Variants in TSG101 observed in about 807,000 individuals in gnomAD.
The protein encoded by TSG101 is tumor susceptibility gene 101 protein.
TSG101 carries 19 observed loss-of-function variants against 48.5 expected under a neutral mutation model. The observed-to-expected ratio is 0.39, with a 90% CI of 0.27 to 0.58. TSG101 has a LOEUF of 0.58. Among genes scored for constraint, TSG101 ranks in the 20% least tolerant of loss-of-function variants. TSG101 has a pLI of 0.55. For synonymous variants in TSG101, 174 were observed against 169.4 expected, an observed-to-expected ratio of 1.03 and a Z score of -0.21; for missense variants, 365 against 484.4, an observed-to-expected ratio of 0.75 and a Z score of 2.31.
chr11:18,521,359 C>CTTTTTTTTTTTTTT (rs917563952), intron 1 of TSG101, among the ~76,000 whole-genome samples: 1 of 99,794 alleles, frequency 1.0e-5, no homozygotes, highest in Non-Finnish European at 2.0e-5. Context: ...AAACTGATTC[C>CTTTTTTTTTTTTTT]TTTTTTTTTT....
At chr11:18,524,854 G>A (rs1797226660) in intron 1 of TSG101, among the ~76,000 whole-genome samples, 1 of 151,702 alleles carries the variant, frequency 6.6e-6, no homozygotes, top group South Asian at 2.1e-4. Context: ...TAAAAAATAA[G>A]CTAATATTTG....
Position 18,481,691 on chromosome 11 carries a change from G to A in TSG101, c.1022C>T (p.Thr341Ile). 6.2e-7 allele frequency: 1 copy of A among 1,614,166 alleles called. No homozygotes were observed. Among genetic ancestry groups the A allele is most frequent in the Non-Finnish European group, 8.5e-7 (1 of 1,180,020 alleles). The change falls in exon 9 of 10, where the codon ACT (threonine) becomes ATT (isoleucine). Residue 341 changes from threonine to isoleucine, a missense_variant. Physicochemically the swap from Thr to Ile is moderately conservative, Grantham distance 89. Coordinates refer to ENST00000251968, the MANE Select transcript of TSG101 (RefSeq NM_006292.4). ...LYAEENAIED[T>I]IFYLGEALRR... ...CAAGGCTTCTCCCAAGTAAAAGATA[G>A]TGTCTTCAATAGCGTTTTCTTCTGC...
intron 4 of TSG101, among the ~76,000 whole-genome samples, chr11:18,512,723 ATTTT>A (rs776263228): frequency 4.2e-5 from 5 of 120,350 alleles, no homozygotes; most frequent in South Asian, 3.0e-4. Context: ...GGACAGACAG[ATTTT>A]TTTTTTTTTT....
At chr11:18,520,318 G>A (rs938469839) in intron 1 of TSG101, among the ~76,000 whole-genome samples, 2 of 152,124 alleles carry the variant, frequency 1.3e-5, no homozygotes, top group African/African-American at 2.4e-5. Flanking sequence ...CGAACTCCTG[G>A]GCTCAAGTGA....
In TSG101 at chr11:18,509,569, G is replaced by T; in HGVS notation, c.454C>A (p.Pro152Thr). The T allele has an allele frequency of 2.5e-6, 4 of 1,613,774 alleles. No homozygotes were observed. The highest frequency in any genetic ancestry group is 3.4e-6 in the Non-Finnish European group (4 of 1,179,772). The change falls in exon 5 of 10, where the codon CCA (proline) becomes ACA (threonine). Residue 152 changes from proline (P) to threonine (T), a missense_variant. Transcript: ENST00000251968. ...TTTGGTGGCCCCGTTGCCTGGTATGGCGGATAGGATGCCGAAATAGGACGA... is the reference window on the plus strand; with the variant it reads ...TTTGGTGGCCCCGTTGCCTGGTATGTCGGATAGGATGCCGAAATAGGACGA... ...FSRPISASYP[P>T]YQATGPPNTS... is the part of the protein sequence containing the mutation.
intron 7 of TSG101, among the ~76,000 whole-genome samples, chr11:18,492,256 G>A (rs980223080): frequency 3.3e-5 from 5 of 152,140 alleles, no homozygotes; most frequent in Non-Finnish European, 7.3e-5. Context: ...CATAGATTAC[G>A]TACCTAAATG....
At chr11:18,487,274 AG>A (rs1849633506) in intron 7 of TSG101, among the ~76,000 whole-genome samples, 1 of 150,428 alleles carries the variant, frequency 6.6e-6, no homozygotes, top group Non-Finnish European at 1.5e-5. Flanking sequence ...AAAAAAAAAA[AG>A]AAAAAAAAAT....
chr11:18,523,294 C>A (rs1375994693), intron 1 of TSG101, among the ~76,000 whole-genome samples: 1 of 152,150 alleles, frequency 6.6e-6, no homozygotes, highest in African/African-American at 2.4e-5. Context: ...CATTTCCACA[C>A]CCTAGCATTC....
intron 9 of TSG101, 146 bp from the exon 10 acceptor site, chr11:18,480,781 C>G (rs1379615415): frequency 1.6e-6 from 1 of 643,086 alleles, no homozygotes; most frequent in Non-Finnish European, 2.7e-6. Context: ...TTATATGTGG[C>G]TTTTAAGCTG....
At position 18,493,074 on chromosome 11, in the gene TSG101, C is replaced by T. The variant is rs79344880; in HGVS notation, c.641-9002G>A. Reference sequence around the variant, plus strand: ...GGCAAACTGCCATACCCCAAGTCCCCAACACACTGACCTTTTTACTCAAGC... The same window carrying T: ...GGCAAACTGCCATACCCCAAGTCCCTAACACACTGACCTTTTTACTCAAGC... On this transcript the variant is annotated intron_variant, in intron 7 of 9. Transcript: ENST00000251968. Among the ~76,000 whole-genome samples the T allele has an allele frequency of 2.3e-3, 350 of 152,218 alleles. 2 individuals carry two copies. The highest frequency in any genetic ancestry group is 8.2e-3 in the African/African-American group (342 of 41,520).
In TSG101 at chr11:18,480,623, G is replaced by C. The variant is rs1849515717; in HGVS notation, c.1096C>G (p.Leu366Val). The C allele has an allele frequency of 3.7e-6, 6 of 1,613,706 alleles. No homozygotes were observed. The highest frequency in any genetic ancestry group is 5.1e-6 in the Non-Finnish European group (6 of 1,179,880). Residue 366 changes from leucine (L) to valine (V), a missense_variant, in exon 10 of 10, where the codon CTG (leucine) becomes GTG (valine). By Grantham distance (32) the Leu-to-Val change is conservative (BLOSUM62 1). Coordinates refer to ENST00000251968, the MANE Select transcript of TSG101 (RefSeq NM_006292.4). ...CTCAGCTGGAACTGTTTACGGGACA[G>C]AAGACGTACATGCTGGGAGGGGAGA... ...LDVFLKHVRLLSRKQFQLRAL... is the reference protein window; with the variant it reads ...LDVFLKHVRLVSRKQFQLRAL...
chr11:18,506,755 G>C, intron 6 of TSG101, 102 bp downstream of exon 6: 2 of 850,854 alleles, frequency 2.4e-6, no homozygotes, highest in Non-Finnish European at 3.5e-6. Flanking sequence ...CCACTAAATT[G>C]CAATTAAATT....
chr11:18,513,839 C>T (rs758892704), intron 4 of TSG101, among the ~76,000 whole-genome samples: 45 of 152,100 alleles, frequency 3.0e-4, no homozygotes, highest in Non-Finnish European at 5.9e-4. Context: ...CTTTAGAAGG[C>T]CGAGATGGGT....
intron 8 of TSG101, among the ~76,000 whole-genome samples, chr11:18,483,027 C>CGT (rs61603313): frequency 0.052 from 7,869 of 150,942 alleles, 338 homozygotes; most frequent in East Asian, 0.21. Flanking sequence ...GACCTGTGTG[C>CGT]GTGTGTGTGT....
intron 7 of TSG101, chr11:18,490,589 C>T (rs959824892): frequency 4.2e-6 from 2 of 472,392 alleles, no homozygotes; most frequent in African/African-American, 2.0e-5. Flanking sequence ...CAGAAAAATA[C>T]CTAAAATAAT....
intron 6 of TSG101, among the ~76,000 whole-genome samples, chr11:18,503,105 C>T (rs549906613): frequency 5.3e-5 from 8 of 152,224 alleles, no homozygotes; most frequent in South Asian, 2.1e-4. Context: ...TTCATGTATT[C>T]GTATCAAAGT....
chr11:18,522,464 C>A (rs1000914926), intron 1 of TSG101, among the ~76,000 whole-genome samples: 1 of 152,204 alleles, frequency 6.6e-6, no homozygotes, highest in Non-Finnish European at 1.5e-5. Flanking sequence ...TCAAAATATC[C>A]TGTTAGCTTT....
At chr11:18,514,883 T>G in intron 3 of TSG101, 42 bp from the exon 4 acceptor site, 1 of 1,491,714 alleles carries the variant, frequency 6.7e-7, no homozygotes, top group Non-Finnish European at 8.9e-7. Flanking sequence ...ATTTTTATTA[T>G]TTTTAAATTG....
At chr11:18,485,540 G>T (rs531135598) in intron 7 of TSG101, among the ~76,000 whole-genome samples, 8 of 152,126 alleles carry the variant, frequency 5.3e-5, no homozygotes, top group Non-Finnish European at 1.2e-4. Flanking sequence ...TCCTTAGAAT[G>T]TGCTTTTTTG....
Sources: allele counts gnomAD v4.1 joint callset (sites outside exome capture counted in the v4.1 genomes callset), GRCh38; gene constraint gnomAD v4.1.1; transcripts MANE v1.5; gene names NCBI Gene and HGNC (gene_info 2026-07-23, HGNC 2026-07-21).